FBXL2: variants seen among roughly 807,000 people sequenced by gnomAD.
FBXL2 encodes the protein F-box and leucine rich repeat protein 2.
A neutral mutation model predicts 69.2 loss-of-function variants in FBXL2; 38 were observed. The observed-to-expected ratio is 0.55, with a 90% CI of 0.42 to 0.72. The LOEUF is 0.72. Among genes scored for constraint, FBXL2 ranks in the 30% least tolerant of loss-of-function variants. The pLI is 0.00. For synonymous variants in FBXL2, 192 were observed against 201.3 expected, an observed-to-expected ratio of 0.95 and a Z score of 0.39; for missense variants, 354 against 520.3, an observed-to-expected ratio of 0.68 and a Z score of 3.11.
In FBXL2 at chr3:33,384,103, G is replaced by C; in HGVS notation, c.1066G>C (p.Asp356His). The change falls in exon 14 of 15, where the codon GAT becomes CAT. Residue 356 changes from aspartate (D) to histidine (H), a missense_variant. Coordinates refer to ENST00000484457, the MANE Select transcript of FBXL2 (RefSeq NM_012157.5). Reference sequence around the variant, plus strand: ...GTTGGACAACTGCCTCCTCATCACTGATGTGGCCCTGGAACACCTAGAGAA... The same window carrying C: ...GTTGGACAACTGCCTCCTCATCACTCATGTGGCCCTGGAACACCTAGAGAA... ...LELDNCLLITDVALEHLENCR... is the reference protein window; with the variant it reads ...LELDNCLLITHVALEHLENCR... 6.2e-7 allele frequency: 1 copy of C among 1,614,146 alleles called. No homozygotes were observed. The highest frequency in any genetic ancestry group is 8.5e-7 in the Non-Finnish European group (1 of 1,180,024).
chr3:33,336,886 A>G (rs1415086286), intron 2 of FBXL2, among the ~76,000 whole-genome samples: 5 of 148,328 alleles, frequency 3.4e-5, no homozygotes, highest in Non-Finnish European at 7.4e-5. Flanking sequence ...GCTTGGTGAC[A>G]GAGCTAGACT....
At chr3:33,413,568 T>C in the FBXL2 span, among the ~76,000 whole-genome samples, 1 of 149,734 alleles carries the variant, frequency 6.7e-6, no homozygotes, top group African/African-American at 2.5e-5. Context: ...AAAAAAAACT[T>C]TGAGTTTTGA....
chr3:33,318,059 G>C (rs2037864813), intron 2 of FBXL2, among the ~76,000 whole-genome samples: 3 of 152,086 alleles, frequency 2.0e-5, no homozygotes, highest in Non-Finnish European at 4.4e-5. Context: ...GAACTTAGTA[G>C]TCTTCTAATT....
chr3:33,422,356 C>A, the FBXL2 span, among the ~76,000 whole-genome samples: 1 of 151,496 alleles, frequency 6.6e-6, no homozygotes, highest in Non-Finnish European at 1.5e-5. Flanking sequence ...GCCTGGGCAA[C>A]ATAGCAAGAT....
chr3:33,416,268 A>AG, the FBXL2 span, among the ~76,000 whole-genome samples: 2 of 152,184 alleles, frequency 1.3e-5, no homozygotes, highest in Non-Finnish European at 2.9e-5. Flanking sequence ...AGGAGGGGCC[A>AG]GGGGGCAGGG....
In FBXL2 at chr3:33,387,593, T is replaced by A. The variant is rs2043530041; in HGVS notation, c.*1985T>A. ...CTCCATCCAGCCCAGGAGACAACAG[T>A]GAGACTCCATCATCATCTCAAAACA... On this transcript the variant is annotated 3_prime_UTR_variant, in exon 15 of 15. Coordinates refer to ENST00000484457, the MANE Select transcript of FBXL2 (RefSeq NM_012157.5). 2 of 150,416 alleles carry A rather than the reference T, an allele frequency of 1.3e-5. No individual in the cohort carries two copies. Among genetic ancestry groups the A allele is most frequent in the South Asian group, 2.1e-4 (1 of 4,728 alleles). The allele number at this position is 150,416 out of a possible 1,614,324, so 9.3% of individuals were successfully genotyped here.
At chr3:33,370,996 C>T (rs940170752) in intron 5 of FBXL2, among the ~76,000 whole-genome samples, 2 of 151,944 alleles carry the variant, frequency 1.3e-5, no homozygotes, top group African/African-American at 2.4e-5. Context: ...TATTAGGTTG[C>T]TTGAAGTTGT....
At chr3:33,359,438 G>T (rs889168549) in intron 4 of FBXL2, 81 bp downstream of exon 4, 2 of 923,272 alleles carry the variant, frequency 2.2e-6, no homozygotes, top group African/African-American at 3.3e-5. Flanking sequence ...TTATTTTACT[G>T]CATTTAGATC....
intron 2 of FBXL2, among the ~76,000 whole-genome samples, chr3:33,327,755 C>T (rs1466771267): frequency 6.6e-6 from 1 of 151,750 alleles, no homozygotes; most frequent in Admixed American, 6.6e-5. Flanking sequence ...AAGATTGAAC[C>T]ATAAAGGCTT....
At chr3:33,289,646 G>T in intron 1 of FBXL2, 1 of 438,398 alleles carries the variant, frequency 2.3e-6, no homozygotes, top group Non-Finnish European at 3.0e-6. Context: ...ACATAGGCTG[G>T]AGTGACAGTT....
At chr3:33,350,195 C>A (rs1027637138) in intron 2 of FBXL2, among the ~76,000 whole-genome samples, 3 of 152,038 alleles carry the variant, frequency 2.0e-5, no homozygotes, top group Non-Finnish European at 4.4e-5. Flanking sequence ...TTATATCCCA[C>A]AATAAAGCAG....
chr3:33,323,466 C>T (rs28378017), intron 2 of FBXL2, among the ~76,000 whole-genome samples: 1,549 of 152,224 alleles, frequency 0.01, 20 homozygotes, highest in African/African-American at 0.035. Context: ...CCCTTCCCCC[C>T]GACGCCCAAC....
chr3:33,317,292 C>A (rs1333420074), intron 2 of FBXL2, among the ~76,000 whole-genome samples: 1 of 152,146 alleles, frequency 6.6e-6, no homozygotes, highest in African/African-American at 2.4e-5. Context: ...GGTGATTATT[C>A]TTTTCACAGA....
At chr3:33,411,835 G>A in the FBXL2 span, 9 of 638,216 alleles carry the variant, frequency 1.4e-5, no homozygotes, top group South Asian at 5.9e-5. Context: ...CTTCAACATC[G>A]AAACCCACCC....
chr3:33,390,896 T>C (rs2043736661), downstream of FBXL2: 1 of 151,896 alleles, frequency 6.6e-6, no homozygotes, highest in Non-Finnish European at 1.5e-5. Flanking sequence ...ATTTTTCTCA[T>C]GACGACAAAG....
At chr3:33,296,513 T>A (rs1002834539) in intron 1 of FBXL2, among the ~76,000 whole-genome samples, 1 of 152,246 alleles carries the variant, frequency 6.6e-6, no homozygotes, top group South Asian at 2.1e-4. Flanking sequence ...TTAGCTCTTA[T>A]ATTTATTTAA....
At chr3:33,327,368 T>C (rs1247878422) in intron 2 of FBXL2, among the ~76,000 whole-genome samples, 8 of 152,118 alleles carry the variant, frequency 5.3e-5, no homozygotes, top group Non-Finnish European at 7.4e-5. Flanking sequence ...TCTTGTTCTT[T>C]CCTCTATACG....
chr3:33,395,889 G>A (rs1309743994), intron 12 of FBXL2, among the ~76,000 whole-genome samples: 1 of 146,958 alleles, frequency 6.8e-6, no homozygotes, highest in East Asian at 2.0e-4. Flanking sequence ...ATTCAAGCTA[G>A]TTTTTCCACT....
chr3:33,291,275 C>T (rs2035198797), intron 1 of FBXL2, among the ~76,000 whole-genome samples: 1 of 152,006 alleles, frequency 6.6e-6, no homozygotes, highest in Non-Finnish European at 1.5e-5. Flanking sequence ...AGCAAATCTG[C>T]TAACCTGGAA....
Sources: gnomAD v4.1 joint callset for allele counts (sites outside exome capture counted in the v4.1 genomes callset) on GRCh38, gnomAD v4.1.1 for gene constraint, MANE v1.5 for transcripts, NCBI Gene and HGNC (gene_info 2026-07-23, HGNC 2026-07-21) for gene names.